The following BBX variants were observed in gnomAD, a reference collection of about 807,000 sequenced individuals.
BBX encodes the protein BBX high mobility group box domain containing.
In BBX, 30 loss-of-function variants were observed where a neutral mutation model predicts 100.2. The ratio of observed to expected loss-of-function variants is 0.30; its 90% confidence interval spans 0.22 to 0.41. BBX has a LOEUF of 0.41. Among genes scored for constraint, BBX ranks in the 10% least tolerant of loss-of-function variants. The pLI, the probability that BBX is intolerant of heterozygous loss-of-function variation, is 1.00. For missense variants in BBX, 1,023 were observed against 1,129.8 expected (o/e 0.91, Z 1.35); for synonymous variants, 376 against 388.1 (o/e 0.97, Z 0.37).
At chr3:107,602,042 A>G (rs2054102089) in intron 2 of BBX, among the ~76,000 whole-genome samples, 2 of 152,220 alleles carry the variant, frequency 1.3e-5, no homozygotes, top group Admixed American at 1.3e-4. Context: ...CTATCAATGC[A>G]ACAACCAAGC....
chr3:107,764,243 CAG>C (rs2066179665), intron 10 of BBX, among the ~76,000 whole-genome samples: 1 of 152,222 alleles, frequency 6.6e-6, no homozygotes, highest in Non-Finnish European at 1.5e-5. Context: ...CCACCTGCCT[CAG>C]CCTCCCAAAG....
chr3:107,669,643 A>G (rs969962008), intron 3 of BBX, among the ~76,000 whole-genome samples: 1 of 152,184 alleles, frequency 6.6e-6, no homozygotes, highest in Non-Finnish European at 1.5e-5. Flanking sequence ...TGCTATAGTT[A>G]TCTCTTGGGT....
At chr3:107,714,872 G>A (rs759625087) in intron 4 of BBX, among the ~76,000 whole-genome samples, 6 of 151,870 alleles carry the variant, frequency 4.0e-5, no homozygotes, top group South Asian at 2.1e-4. Flanking sequence ...TGCAACCTCC[G>A]CCTCCTGGGT....
At chr3:107,630,143 C>T (rs1039716509) in intron 2 of BBX, among the ~76,000 whole-genome samples, 2 of 152,140 alleles carry the variant, frequency 1.3e-5, no homozygotes, top group Admixed American at 6.5e-5. Context: ...CCCTGGGGAG[C>T]TTTTCCAGCT....
rs1044021823 is a variant in BBX, at chr3:107,705,298, G to A, written c.-9-5154G>A. On this transcript the variant is annotated intron_variant, in intron 3 of 17. Coordinates refer to ENST00000325805, the MANE Select transcript of BBX (RefSeq NM_001142568.3). Reference sequence around the variant, plus strand: ...CCCATACTCTCCTGTTTCACTGGGCGTGAATTTTAATGACCAGGATTTGAG... The same window carrying A: ...CCCATACTCTCCTGTTTCACTGGGCATGAATTTTAATGACCAGGATTTGAG... Among the ~76,000 whole-genome samples, 6 of 152,132 alleles carry A rather than the reference G, an allele frequency of 3.9e-5. No individual in the cohort carries two copies. In the East Asian group the frequency reaches 1.2e-3, roughly 29 times the overall value.
chr3:107,757,218 A>G (rs1442625211), intron 10 of BBX, among the ~76,000 whole-genome samples: 1 of 152,096 alleles, frequency 6.6e-6, no homozygotes, highest in African/African-American at 2.4e-5. Context: ...TTAAAAATGT[A>G]TGAACCTTTG....
intron 9 of BBX, among the ~76,000 whole-genome samples, chr3:107,752,051 C>G (rs1312748236): frequency 6.6e-6 from 1 of 152,236 alleles, no homozygotes; most frequent in Non-Finnish European, 1.5e-5. Flanking sequence ...CACATATTCT[C>G]TGATCTGCTC....
At chr3:107,716,502 T>A (rs1576475862) in intron 4 of BBX, 105 bp from the exon 5 acceptor site, 1 of 1,380,672 alleles carries the variant, frequency 7.2e-7, no homozygotes, top group Non-Finnish European at 9.9e-7. Flanking sequence ...GTAAGTTGTT[T>A]AAATGGAGCT....
At chr3:107,601,273 G>A (rs2054049854) in intron 2 of BBX, among the ~76,000 whole-genome samples, 1 of 152,148 alleles carries the variant, frequency 6.6e-6, no homozygotes, top group Admixed American at 6.5e-5. Flanking sequence ...TTACCCTGTA[G>A]TGGCTTTTAA....
intron 3 of BBX, among the ~76,000 whole-genome samples, chr3:107,652,381 A>ATTT (rs3053264): frequency 0.2 from 30,054 of 152,058 alleles, 3,220 homozygotes; most frequent in African/African-American, 0.28. Flanking sequence ...AAAATTTACC[A>ATTT]GTTTTTCTGT....
At chr3:107,642,788 A>G (rs2057295886) in intron 2 of BBX, among the ~76,000 whole-genome samples, 1 of 150,930 alleles carries the variant, frequency 6.6e-6, no homozygotes, top group African/African-American at 2.4e-5. Flanking sequence ...CATGCATGGT[A>G]TCATGCCCAG....
At chr3:107,602,143 C>T (rs372287343) in intron 2 of BBX, among the ~76,000 whole-genome samples, 8 of 152,266 alleles carry the variant, frequency 5.3e-5, no homozygotes, top group Non-Finnish European at 1.2e-4. Flanking sequence ...TGTTTCCTTT[C>T]AAAATGTTTC....
Position 107,662,753 on chromosome 3 carries a change from G to A in BBX, c.-10+16844G>A, listed in dbSNP as rs541210913. 11 of 149,644 alleles carry A rather than the reference G, an allele frequency of 7.4e-5. No homozygotes were observed. In the East Asian group the frequency reaches 2.2e-3, roughly 30 times the overall value. 9.3% of individuals were successfully genotyped at this position (149,644 alleles called of 1,614,324 possible). On this transcript the variant is annotated intron_variant, in intron 3 of 17. Coordinates refer to ENST00000325805, the MANE Select transcript of BBX (RefSeq NM_001142568.3). ...ACGTTTGGATATCAGAGTTGGATAT[G>A]GTTTGAATCCCAGCTGTACTAGCTT... is the stretch of plus-strand genomic sequence containing the variant.
In BBX at chr3:107,552,260, C is replaced by CT. The variant is rs200798741; in HGVS notation, c.-84+25864dup. Among the ~76,000 whole-genome samples, 24 of 148,964 alleles carry CT rather than the reference C, an allele frequency of 1.6e-4. No homozygotes were observed. The East Asian group carries it at 4.7e-3, about 29-fold the overall frequency. On this transcript the variant is annotated intron_variant, in intron 2 of 17. Coordinates refer to ENST00000325805, the MANE Select transcript of BBX (RefSeq NM_001142568.3). ...CTGGGAGGCTGAGGTAGGAGAATCA[C>CT]TTGAGCCCAGGAGGTCAAGGCTGCA...
intron 2 of BBX, among the ~76,000 whole-genome samples, chr3:107,634,837 C>T (rs577382013): frequency 3.5e-4 from 53 of 152,296 alleles, no homozygotes; most frequent in African/African-American, 1.2e-3. Context: ...TTCTATCCAC[C>T]TTACCTCCAG....
At chr3:107,697,631 A>G (rs1374428156) in intron 3 of BBX, among the ~76,000 whole-genome samples, 1 of 151,822 alleles carries the variant, frequency 6.6e-6, no homozygotes, top group African/African-American at 2.4e-5. Flanking sequence ...AAGTCTGAGG[A>G]GGTTACTGCT....
intron 5 of BBX, among the ~76,000 whole-genome samples, chr3:107,727,580 G>T (rs1322508718): frequency 1.3e-5 from 2 of 151,958 alleles, no homozygotes; most frequent in African/African-American, 4.8e-5. Context: ...GTAAAAAAAT[G>T]GATTATTCAG....
At chr3:107,640,780 G>C (rs574495400) in intron 2 of BBX, among the ~76,000 whole-genome samples, 1 of 152,174 alleles carries the variant, frequency 6.6e-6, no homozygotes, top group Admixed American at 6.5e-5. Context: ...TCCTGCCTCA[G>C]CCTCCCAAGT....
chr3:107,730,276 A>G (rs781208558), intron 6 of BBX, among the ~76,000 whole-genome samples: 3 of 152,112 alleles, frequency 2.0e-5, no homozygotes, highest in Non-Finnish European at 4.4e-5. Flanking sequence ...TTAGCTTCAA[A>G]TCATTTGTTA....
Sources: gnomAD v4.1 joint callset for allele counts (sites outside exome capture counted in the v4.1 genomes callset) on GRCh38, gnomAD v4.1.1 for gene constraint, MANE v1.5 for transcripts, NCBI Gene and HGNC (gene_info 2026-07-23, HGNC 2026-07-21) for gene names.